The following C14orf93 variants were observed in gnomAD, a reference collection of about 807,000 sequenced individuals.
The protein encoded by C14orf93 is chromosome 14 open reading frame 93.
Under a neutral mutation model 44.0 loss-of-function variants are expected in C14orf93, and 23 were observed. The observed-to-expected ratio is 0.52, with a 90% confidence interval of 0.38 to 0.74. The LOEUF (loss-of-function observed/expected upper bound fraction) is 0.74, where lower values mean the gene tolerates loss of function less well. Ranked by LOEUF, C14orf93 falls within the 30% of genes least tolerant of loss-of-function variation. C14orf93 has a pLI of 0.00. For missense variants in C14orf93, 579 were observed against 678.9 expected (o/e 0.85, Z 1.64); for synonymous variants, 253 against 265.7 (o/e 0.95, Z 0.46).
chr14:22,990,219 AG>A, intron 3 of C14orf93, 92 bp from the exon 4 acceptor site: 1 of 1,097,434 alleles, frequency 9.1e-7, no homozygotes, highest in African/African-American at 1.6e-5. Flanking sequence ...ATTGTCCCTA[AG>A]GGGCTCTCTG....
chr14:22,988,532 G>A (rs1428918150), intron 5 of C14orf93, among the ~76,000 whole-genome samples: 3 of 151,884 alleles, frequency 2.0e-5, no homozygotes, highest in Admixed American at 6.6e-5. Flanking sequence ...ACAGGGTCTC[G>A]CTCTGTCACC....
intron 5 of C14orf93, 112 bp downstream of exon 5, chr14:22,989,630 T>A (rs767806734): frequency 1.3e-6 from 1 of 778,570 alleles, no homozygotes; most frequent in Non-Finnish European, 2.1e-6. Context: ...AATCCACTAT[T>A]TTCAAAACCA....
At position 22,998,704 on chromosome 14, in the gene C14orf93, A is replaced by T; in HGVS notation, c.320T>A (p.Ile107Asn). The change falls in exon 2 of 7, where the codon ATC becomes AAC. Residue 107 changes from isoleucine to asparagine, a missense_variant. Transcript: ENST00000299088. Reference sequence around the variant, plus strand: ...CCGGCTTTCCCCATCTTCATCAGGGATGGACACTTTCCCTTGCCTCAGGTC... The same window carrying T: ...CCGGCTTTCCCCATCTTCATCAGGGTTGGACACTTTCCCTTGCCTCAGGTC... ...VGDLRQGKVS[I>N]PDEDGESRAH... 1 of 1,614,194 alleles carries T rather than the reference A, an allele frequency of 6.2e-7. No individual in the cohort carries two copies. Among genetic ancestry groups the T allele is most frequent in the South Asian group, 1.1e-5 (1 of 91,090 alleles).
Position 22,987,707 on chromosome 14 carries a change from T to G in C14orf93, c.1198-73A>C. 1 of 1,460,610 alleles carries G rather than the reference T, an allele frequency of 6.8e-7. No homozygotes were observed. Among genetic ancestry groups the G allele is most frequent in the African/African-American group, 1.4e-5 (1 of 70,936 alleles). 90.5% of individuals were successfully genotyped at this position (1,460,610 alleles called of 1,614,324 possible). On this transcript the variant is annotated intron_variant, in intron 6 of 6. Coordinates refer to ENST00000299088, the MANE Select transcript of C14orf93 (RefSeq NM_021944.4). The surrounding 1 kb of genome is among the most constrained non-coding windows in gnomAD (Gnocchi z 5.6). ...GATTAGATTTGGGGAAAAGGTTTGG[T>G]GGGGAAGGCTGTGTAAAATCTGTGC...
intron 1 of C14orf93, chr14:23,006,321 T>C (rs896347139): frequency 1.3e-5 from 2 of 152,140 alleles, no homozygotes; most frequent in African/African-American, 4.8e-5. Context: ...CAAAATACTA[T>C]TTTCCCACAT....
At position 22,996,926 on chromosome 14, in the gene C14orf93, G is replaced by T. The variant is rs1214583703; in HGVS notation, c.598-658C>A. On this transcript the variant is annotated intron_variant, in intron 2 of 6. Transcript: ENST00000299088. This position sits in a 1 kb window ranked among gnomAD's most constrained non-coding sequence, Gnocchi z 4.1. ...AGGGAGAGAGGGAGGAAGAAAGGAG[G>T]GGGGATTTCTGCAGTCAAGAAAACA... Among the ~76,000 whole-genome samples, 1 of 152,038 alleles carries T rather than the reference G, an allele frequency of 6.6e-6. No individual in the cohort carries two copies. Among genetic ancestry groups the T allele is most frequent in the East Asian group, 1.9e-4 (1 of 5,188 alleles).
At chr14:23,000,714 CAAAAAAA>C (rs758471653) in intron 1 of C14orf93, among the ~76,000 whole-genome samples, 8 of 55,072 alleles carry the variant, frequency 1.5e-4, no homozygotes, top group Admixed American at 2.1e-4. Context: ...GACTCCACCT[CAAAAAAA>C]AAAAAAAAAA....
At chr14:22,993,475 C>T (rs2139524207) in intron 3 of C14orf93, among the ~76,000 whole-genome samples, 1 of 152,246 alleles carries the variant, frequency 6.6e-6, no homozygotes, top group East Asian at 1.9e-4. Flanking sequence ...TATTTTACCT[C>T]TTAGTAGTCC....
At position 22,999,172 on chromosome 14, in the gene C14orf93, A is replaced by C. The variant is rs911110116; in HGVS notation, c.-149T>G. ...GCTGTAGGGTCTGTGAAAGAAGAGT[A>C]AACAAGCCATGAAGAAGCACACAGT... On this transcript the variant is annotated 5_prime_UTR_variant, in exon 2 of 7. An upstream open reading frame in the 5' UTR gains an earlier in-frame stop. Coordinates refer to ENST00000299088, the MANE Select transcript of C14orf93 (RefSeq NM_021944.4). 33 of 1,286,052 alleles carry C rather than the reference A, an allele frequency of 2.6e-5. No individual in the cohort carries two copies. The East Asian group carries it at 7.7e-4, about 30-fold the overall frequency. The allele number at this position is 1,286,052 out of a possible 1,614,324, so 79.7% of individuals were successfully genotyped here.
intron 1 of C14orf93, chr14:23,006,485 G>T (rs1183103867): frequency 2.6e-5 from 4 of 152,194 alleles, no homozygotes; most frequent in South Asian, 2.1e-4. Flanking sequence ...AGCAGGATGA[G>T]AATTTTTAGC....
intron 3 of C14orf93, among the ~76,000 whole-genome samples, chr14:22,995,450 C>T (rs543026261): frequency 2.0e-5 from 3 of 152,054 alleles, no homozygotes; most frequent in Admixed American, 1.3e-4. Context: ...GAGGCCGAGG[C>T]GGGTGGATAA....
chr14:22,998,105 G>T (rs1162564374), intron 2 of C14orf93: 1 of 306,842 alleles, frequency 3.3e-6, no homozygotes, highest in Non-Finnish European at 6.0e-6. Context: ...GTGCACGGCA[G>T]GCATCCTCGC....
intron 1 of C14orf93, among the ~76,000 whole-genome samples, chr14:23,001,221 A>C (rs2046276144): frequency 1.3e-5 from 2 of 152,226 alleles, no homozygotes. Context: ...TTGCTCTTAA[A>C]CATAGATGCT....
rs980323666 is a variant in C14orf93 at position 22,987,161 on chromosome 14, T to C, written c.*54A>G. On this transcript the variant is annotated 3_prime_UTR_variant, in exon 7 of 7. Transcript: ENST00000299088. This position sits in a 1 kb window ranked among gnomAD's most constrained non-coding sequence, Gnocchi z 5.6. ...TATTTTGTGAAGCCCCATGGCCACC[T>C]ATTTCTGAGACATGGGGCATGGCGG... The C allele has an allele frequency of 6.6e-7, 1 of 1,511,632 alleles. No homozygotes were observed. Among genetic ancestry groups the C allele is most frequent in the Admixed American group, 2.1e-5 (1 of 47,234 alleles). The allele number at this position is 1,511,632 out of a possible 1,614,324, so 93.6% of individuals were successfully genotyped here.
At chr14:23,003,959 G>C (rs1324679198) in intron 1 of C14orf93, among the ~76,000 whole-genome samples, 3 of 115,412 alleles carry the variant, frequency 2.6e-5, no homozygotes, top group Admixed American at 1.0e-4. Flanking sequence ...GCCCAGGCTA[G>C]AGTGTGGAGG....
chr14:23,002,451 CA>C (rs397709228), intron 1 of C14orf93, among the ~76,000 whole-genome samples: 2,167 of 89,046 alleles, frequency 0.024, 44 homozygotes, highest in African/African-American at 0.083. Flanking sequence ...GACTCCATCT[CA>C]AAAAAAAAAA....
At position 22,987,821 on chromosome 14, in the gene C14orf93, T is replaced by G; in HGVS notation, c.1197+82A>C. 1 of 1,286,306 alleles carries G rather than the reference T, an allele frequency of 7.8e-7. No homozygotes were observed. The highest frequency in any genetic ancestry group is 1.1e-6 in the Non-Finnish European group (1 of 907,032). The allele number at this position is 1,286,306 out of a possible 1,614,324, so 79.7% of individuals were successfully genotyped here. A position where few individuals can be genotyped will look rare whatever the true frequency, so the allele number is the denominator to read the frequency against. Reference sequence around the variant, plus strand: ...ACATTCCTGGCTCTCAACCCTATTCTCATATGCCATGTCCTCTGGCCCTTC... The same window carrying G: ...ACATTCCTGGCTCTCAACCCTATTCGCATATGCCATGTCCTCTGGCCCTTC... On this transcript the variant is annotated intron_variant, in intron 6 of 6. Coordinates refer to ENST00000299088, the MANE Select transcript of C14orf93 (RefSeq NM_021944.4). The surrounding 1 kb of genome is among the most constrained non-coding windows in gnomAD (Gnocchi z 5.6).
rs570584043 is a variant in C14orf93 at position 23,007,373 on chromosome 14, T to C, written c.-380+2728A>G. 2.2e-4 allele frequency among the ~76,000 whole-genome samples: 34 copies of C among 152,356 alleles called. 1 individual carries two copies. In the South Asian group the frequency reaches 7.0e-3, roughly 32 times the overall value. On this transcript the variant is annotated intron_variant, in intron 1 of 6. Transcript: ENST00000299088. ...TTTAGCTTGTTTTTGTTTACTTGCT[T>C]TTGTTCTCTGCTGCTCACAAACCTG...
chr14:23,007,104 GGC>G (rs1421470792), intron 1 of C14orf93: 1 of 152,260 alleles, frequency 6.6e-6, no homozygotes, highest in Non-Finnish European at 1.5e-5. Flanking sequence ...GGCGGAGGCG[GGC>G]GCGCGGGAGA....
Sources: allele counts gnomAD v4.1 joint callset (sites outside exome capture counted in the v4.1 genomes callset), GRCh38; gene constraint gnomAD v4.1.1; non-coding constraint Gnocchi (gnomAD v3.1); transcripts MANE v1.5; gene names NCBI Gene and HGNC (gene_info 2026-07-23, HGNC 2026-07-21).